Variants in SHISA9 observed in about 807,000 individuals in gnomAD.
SHISA9 encodes the protein protein shisa-9.
Under a neutral mutation model 38.0 loss-of-function variants are expected in SHISA9, and 13 were observed. The observed-to-expected ratio is 0.34, with a 90% confidence interval of 0.22 to 0.54. The LOEUF is 0.54. SHISA9 is among the 20% of genes least tolerant of loss of function. SHISA9 has a pLI of 0.91. For missense variants in SHISA9, 538 were observed against 575.8 expected, an observed-to-expected ratio of 0.93 and a Z score of 0.67; for synonymous variants, 275 against 242.0, an observed-to-expected ratio of 1.14 and a Z score of -1.27.
intron 2 of SHISA9, among the ~76,000 whole-genome samples, chr16:13,042,433 C>G (rs1001504337): frequency 6.6e-6 from 1 of 152,058 alleles, no homozygotes; most frequent in Non-Finnish European, 1.5e-5. Flanking sequence ...TATAGCTGAC[C>G]CAGGCTTCCC....
At chr16:13,121,684 G>A (rs1005200454) in intron 2 of SHISA9, among the ~76,000 whole-genome samples, 2 of 152,008 alleles carry the variant, frequency 1.3e-5, no homozygotes, top group African/African-American at 4.8e-5. Context: ...ACACCAAACT[G>A]CATCAATGCT....
At chr16:13,217,135 G>A (rs548045976) in intron 4 of SHISA9, among the ~76,000 whole-genome samples, 25 of 151,014 alleles carry the variant, frequency 1.7e-4, no homozygotes, top group Middle Eastern at 3.4e-3. Context: ...AAAAATTGCA[G>A]GGAGTGGTGG....
the SHISA9 span, among the ~76,000 whole-genome samples, chr16:13,301,141 AT>A: frequency 1.3e-5 from 2 of 152,154 alleles, no homozygotes; most frequent in South Asian, 2.1e-4. Context: ...GCCTTAGAGA[AT>A]TTGTGGTGCC....
At chr16:12,994,863 A>C (rs2072438494) in intron 2 of SHISA9, among the ~76,000 whole-genome samples, 1 of 152,114 alleles carries the variant, frequency 6.6e-6, no homozygotes, top group Admixed American at 6.5e-5. Context: ...GAAGACCAAG[A>C]ATTCAGTTTT....
chr16:12,905,755 C>A (rs1052746711), intron 1 of SHISA9, among the ~76,000 whole-genome samples: 4 of 152,064 alleles, frequency 2.6e-5, no homozygotes, highest in Non-Finnish European at 5.9e-5. Flanking sequence ...CCACACCTGG[C>A]TAATTTTTTT....
chr16:13,388,121 G>T, the SHISA9 span, among the ~76,000 whole-genome samples: 15 of 152,084 alleles, frequency 9.9e-5, no homozygotes, highest in Non-Finnish European at 2.9e-5. Flanking sequence ...CCTGCAGGTT[G>T]AAATCCAGGT....
At chr16:13,228,432 G>A (rs1356156124) in intron 4 of SHISA9, among the ~76,000 whole-genome samples, 1 of 152,192 alleles carries the variant, frequency 6.6e-6, no homozygotes, top group Non-Finnish European at 1.5e-5. Flanking sequence ...ATGTATTGAA[G>A]CTGCTGGGAT....
chr16:13,498,072 A>C, the SHISA9 span, among the ~76,000 whole-genome samples: 3 of 152,178 alleles, frequency 2.0e-5, no homozygotes, highest in Non-Finnish European at 4.4e-5. Context: ...AAAACAACAA[A>C]TTAAAAAAAT....
intron 2 of SHISA9, among the ~76,000 whole-genome samples, chr16:13,024,447 A>C (rs77661853): frequency 0.018 from 2,813 of 152,276 alleles, 83 homozygotes; most frequent in African/African-American, 0.064. Context: ...GCTGGTTCAG[A>C]TGCAACACCC....
At chr16:13,188,673 C>T (rs1307844721) in intron 2 of SHISA9, among the ~76,000 whole-genome samples, 2 of 137,288 alleles carry the variant, frequency 1.5e-5, no homozygotes, top group East Asian at 2.2e-4. Flanking sequence ...GCTATGATTG[C>T]GCCACTGCAC....
At chr16:13,418,899 C>T in the SHISA9 span, among the ~76,000 whole-genome samples, 4 of 152,208 alleles carry the variant, frequency 2.6e-5, no homozygotes, top group Admixed American at 6.5e-5. Flanking sequence ...TTGCACCTTC[C>T]TTAGTGACCA....
chr16:13,551,099 G>C, the SHISA9 span, among the ~76,000 whole-genome samples: 265 of 150,564 alleles, frequency 1.8e-3, 2 homozygotes, highest in East Asian at 6.1e-3. Context: ...ACTCCAGCCT[G>C]GGCGACAGTG....
chr16:13,428,092 T>A, the SHISA9 span, among the ~76,000 whole-genome samples: 2 of 152,318 alleles, frequency 1.3e-5, no homozygotes, highest in South Asian at 4.1e-4. Flanking sequence ...ACACAGAACA[T>A]CAACATACTG....
the SHISA9 span, among the ~76,000 whole-genome samples, chr16:13,377,441 G>C: frequency 6.6e-6 from 1 of 152,166 alleles, no homozygotes; most frequent in Non-Finnish European, 1.5e-5. Flanking sequence ...CTTGGAGGGA[G>C]GGAGAGCAAA....
At chr16:12,934,173 G>T (rs928028579) in intron 2 of SHISA9, among the ~76,000 whole-genome samples, 1 of 152,226 alleles carries the variant, frequency 6.6e-6, no homozygotes, top group Non-Finnish European at 1.5e-5. Context: ...ATAAATAAAT[G>T]TAGGGAAATG....
chr16:12,946,064 A>G (rs7187154), intron 2 of SHISA9, among the ~76,000 whole-genome samples: 97,164 of 152,170 alleles, frequency 0.64, 31,246 homozygotes, highest in African/African-American at 0.67. Flanking sequence ...GAGTTGGCTA[A>G]CCTGTTTTCC....
the SHISA9 span, among the ~76,000 whole-genome samples, chr16:13,522,932 T>C: frequency 6.6e-6 from 1 of 152,162 alleles, no homozygotes; most frequent in Admixed American, 6.5e-5. Context: ...AAAGGGCTAA[T>C]TATGGTTAAG....
chr16:13,394,760 GAT>G, the SHISA9 span, among the ~76,000 whole-genome samples: 1 of 152,120 alleles, frequency 6.6e-6, no homozygotes, highest in South Asian at 2.1e-4. Context: ...AATATATTGA[GAT>G]ATTTATTTGT....
chr16:13,401,850 G>A, the SHISA9 span, among the ~76,000 whole-genome samples: 1 of 152,192 alleles, frequency 6.6e-6, no homozygotes, highest in Non-Finnish European at 1.5e-5. Context: ...TGGCTGGGGA[G>A]GCCTCATAAT....
Sources: gnomAD v4.1 joint callset for allele counts (sites outside exome capture counted in the v4.1 genomes callset) on GRCh38, gnomAD v4.1.1 for gene constraint, MANE v1.5 for transcripts, NCBI Gene and HGNC (gene_info 2026-07-23, HGNC 2026-07-21) for gene names.